The following MFHAS1 variants were observed in gnomAD, a reference collection of about 807,000 sequenced individuals.
MFHAS1 encodes multifunctional ROCO family signaling regulator 1, also known as malignant fibrous histiocytoma-amplified sequence 1.
In MFHAS1, 50 loss-of-function variants were observed where a neutral mutation model predicts 70.4. The observed-to-expected ratio is 0.71, with a 90% CI of 0.57 to 0.90. MFHAS1 has a LOEUF of 0.90. Among genes scored for constraint, MFHAS1 ranks in the 40% least tolerant of loss-of-function variants. The pLI, the probability that MFHAS1 is intolerant of heterozygous loss-of-function variation, is 0.00. For missense variants in MFHAS1, 1,795 were observed against 1,347.6 expected (o/e 1.33, Z -5.20); for synonymous variants, 952 against 620.0 (o/e 1.54, Z -7.96).
chr8:8,886,461 C>G (rs937319846), intron 1 of MFHAS1, among the ~76,000 whole-genome samples: 1 of 152,132 alleles, frequency 6.6e-6, no homozygotes, highest in East Asian at 1.9e-4. Flanking sequence ...AGCCACTGCA[C>G]GCTGCCCATT....
intron 1 of MFHAS1, among the ~76,000 whole-genome samples, chr8:8,805,544 G>A (rs1247481865): frequency 6.6e-6 from 1 of 152,168 alleles, no homozygotes; most frequent in Non-Finnish European, 1.5e-5. Context: ...GGGAGGAGGG[G>A]GAAGAGGAGG....
At chr8:8,863,810 C>A (rs1808754237) in intron 1 of MFHAS1, among the ~76,000 whole-genome samples, 1 of 152,118 alleles carries the variant, frequency 6.6e-6, no homozygotes, top group Non-Finnish European at 1.5e-5. Flanking sequence ...AATTGACCCA[C>A]CCTGTCTTAA....
At chr8:8,790,400 T>C in intron 2 of MFHAS1, 1 of 985,010 alleles carries the variant, frequency 1.0e-6, no homozygotes, top group Non-Finnish European at 1.2e-6. Context: ...AGCACTATCT[T>C]TTCCACTTAA....
chr8:8,865,704 A>C (rs1030309341), intron 1 of MFHAS1, among the ~76,000 whole-genome samples: 1 of 152,206 alleles, frequency 6.6e-6, no homozygotes, highest in African/African-American at 2.4e-5. Flanking sequence ...ATTTCTAGTA[A>C]TTATTATCTG....
intron 1 of MFHAS1, among the ~76,000 whole-genome samples, chr8:8,832,957 TCA>T (rs1807461085): frequency 1.3e-5 from 2 of 152,142 alleles, no homozygotes; most frequent in Non-Finnish European, 2.9e-5. Context: ...CTTAATTGGC[TCA>T]CAGTTCTGCA....
chr8:8,857,930 C>T (rs1382680258), intron 1 of MFHAS1, among the ~76,000 whole-genome samples: 1 of 152,170 alleles, frequency 6.6e-6, no homozygotes, highest in African/African-American at 2.4e-5. Flanking sequence ...CTATCAGGAA[C>T]CCAACACCAC....
At position 8,834,663 on chromosome 8, in the gene MFHAS1, A is replaced by C. The variant is rs1318893526; in HGVS notation, c.2999-37172T>G. On this transcript the variant is annotated intron_variant, in intron 1 of 2. Coordinates refer to ENST00000276282, the MANE Select transcript of MFHAS1 (RefSeq NM_004225.3). ...CATGTAAGTTATGTGGGTCCACTCTATGATGTTCATACAACAATGAAATTG... is the reference window on the plus strand; with the variant it reads ...CATGTAAGTTATGTGGGTCCACTCTCTGATGTTCATACAACAATGAAATTG... Among the ~76,000 whole-genome samples the C allele has an allele frequency of 2.0e-5, 3 of 152,228 alleles. No homozygotes were observed. In the East Asian group the frequency reaches 5.8e-4, roughly 29 times the overall value.
At chr8:8,842,992 G>A (rs377616997) in intron 1 of MFHAS1, among the ~76,000 whole-genome samples, 3 of 152,142 alleles carry the variant, frequency 2.0e-5, no homozygotes, top group Non-Finnish European at 4.4e-5. Flanking sequence ...GAGGCCGGGC[G>A]CGGTGGCTCA....
chr8:8,852,733 G>C (rs542802580), intron 1 of MFHAS1, among the ~76,000 whole-genome samples: 29 of 152,054 alleles, frequency 1.9e-4, no homozygotes, highest in African/African-American at 7.0e-4. Flanking sequence ...TTCTATTTTT[G>C]CCTTCCCTAA....
chr8:8,845,676 G>A (rs1384884581), intron 1 of MFHAS1, among the ~76,000 whole-genome samples: 1 of 152,126 alleles, frequency 6.6e-6, no homozygotes, highest in Non-Finnish European at 1.5e-5. Context: ...GTTATACTCT[G>A]AGATTTGTTA....
chr8:8,873,520 G>A (rs1158806002), intron 1 of MFHAS1, among the ~76,000 whole-genome samples: 3 of 150,334 alleles, frequency 2.0e-5, no homozygotes, highest in African/African-American at 4.9e-5. Context: ...TAGAGTGCTG[G>A]GTTACACCCA....
intron 1 of MFHAS1, among the ~76,000 whole-genome samples, chr8:8,852,470 A>G (rs995642423): frequency 7.0e-5 from 9 of 127,706 alleles, no homozygotes; most frequent in African/African-American, 2.1e-4. Flanking sequence ...CCCTCTCTCA[A>G]ACACACACAC....
intron 1 of MFHAS1, among the ~76,000 whole-genome samples, chr8:8,826,732 C>CA (rs1410471577): frequency 6.6e-6 from 1 of 152,068 alleles, no homozygotes; most frequent in African/African-American, 2.4e-5. Context: ...GGCTCCATCT[C>CA]AAAAAAGAGC....
intron 1 of MFHAS1, among the ~76,000 whole-genome samples, chr8:8,873,228 A>T (rs1195313872): frequency 1.3e-5 from 2 of 152,200 alleles, no homozygotes; most frequent in Non-Finnish European, 2.9e-5. Flanking sequence ...AGTCAAGAGA[A>T]TCCCAGTGAA....
rs1370064702 is a variant in MFHAS1 at position 8,892,063 on chromosome 8, G to A, written c.996C>T (p.Arg332=). ...GCTCCACGATGGAGTCCGGCAGGTAGCGGATGCGGTTATTATCCAGCCACA... is the reference window on the plus strand; with the variant it reads ...GCTCCACGATGGAGTCCGGCAGGTAACGGATGCGGTTATTATCCAGCCACA... The part of the protein sequence containing the change: ...LTLWLDNNRI[R]YLPDSIVELT... Residue 332 remains arginine, a synonymous_variant, in exon 1 of 3, where the codon CGC becomes CGT. Coordinates refer to ENST00000276282, the MANE Select transcript of MFHAS1 (RefSeq NM_004225.3). This position sits in a 1 kb window ranked among gnomAD's most constrained non-coding sequence, Gnocchi z 4.7. 2 of 1,613,388 alleles carry A rather than the reference G, an allele frequency of 1.2e-6. No homozygotes were observed. Among genetic ancestry groups the A allele is most frequent in the Admixed American group, 1.7e-5 (1 of 60,022 alleles).
chr8:8,863,344 C>T (rs1462643268), intron 1 of MFHAS1, among the ~76,000 whole-genome samples: 1 of 152,202 alleles, frequency 6.6e-6, no homozygotes, highest in Non-Finnish European at 1.5e-5. Flanking sequence ...GGACCTCAAA[C>T]TGATGCTGTT....
chr8:8,839,339 G>C (rs1051805050), intron 1 of MFHAS1, among the ~76,000 whole-genome samples: 1 of 152,070 alleles, frequency 6.6e-6, no homozygotes, highest in African/African-American at 2.4e-5. Flanking sequence ...TTTTTGTGAA[G>C]AAAATGTGCT....
chr8:8,845,572 G>C (rs1157136623), intron 1 of MFHAS1, among the ~76,000 whole-genome samples: 2 of 152,278 alleles, frequency 1.3e-5, no homozygotes, highest in East Asian at 1.9e-4. Flanking sequence ...CCCATGGCAG[G>C]CTCCGGGGAA....
intron 1 of MFHAS1, among the ~76,000 whole-genome samples, chr8:8,864,851 G>T (rs977863999): frequency 1.3e-5 from 2 of 152,180 alleles, no homozygotes; most frequent in African/African-American, 4.8e-5. Flanking sequence ...ATATCATAAA[G>T]TTATATAACA....
Sources: gnomAD v4.1 joint callset for allele counts (sites outside exome capture counted in the v4.1 genomes callset) on GRCh38, gnomAD v4.1.1 for gene constraint, Gnocchi (gnomAD v3.1) non-coding constraint, MANE v1.5 for transcripts, NCBI Gene and HGNC (gene_info 2026-07-23, HGNC 2026-07-21) for gene names.